Variants in HAUS8 observed in about 807,000 individuals in gnomAD.
HAUS8 encodes the protein HAUS augmin-like complex subunit 8.
Under a neutral mutation model 42.9 loss-of-function variants are expected in HAUS8, and 38 were observed. That is an observed-to-expected ratio of 0.89 (90% CI 0.68 to 1.16). The LOEUF (loss-of-function observed/expected upper bound fraction) is 1.16. Ranked by LOEUF, HAUS8 falls within the 50% of genes most tolerant of loss-of-function variation. HAUS8 has a pLI of 0.00. For missense variants in HAUS8, 494 were observed against 511.6 expected, an observed-to-expected ratio of 0.97 and a Z score of 0.33; for synonymous variants, 199 against 205.8, an observed-to-expected ratio of 0.97 and a Z score of 0.28.
chr19:17,062,925 T>A (rs1018704117), intron 3 of HAUS8, 146 bp from the exon 4 acceptor site: 9 of 611,232 alleles, frequency 1.5e-5, no homozygotes, highest in Non-Finnish European at 2.6e-5. Flanking sequence ...TTACCTCATA[T>A]ACACAGGACA....
chr19:17,060,769 T>A (rs183615865), intron 4 of HAUS8, among the ~76,000 whole-genome samples: 1 of 152,320 alleles, frequency 6.6e-6, no homozygotes, highest in East Asian at 1.9e-4. Flanking sequence ...GGGAGTTCCC[T>A]TCATCTTTTA....
chr19:17,056,649 G>A (rs562911975), intron 8 of HAUS8, among the ~76,000 whole-genome samples: 4 of 152,128 alleles, frequency 2.6e-5, no homozygotes, highest in South Asian at 2.1e-4. Flanking sequence ...GGAGTGCAGC[G>A]GCGCAGTCTC....
chr19:17,070,073 C>A (rs147037305), intron 2 of HAUS8, among the ~76,000 whole-genome samples: 503 of 152,194 alleles, frequency 3.3e-3, no homozygotes, highest in African/African-American at 0.012. Flanking sequence ...ATTCTTCCTC[C>A]TACCTGCACT....
At chr19:17,072,275 T>C (rs1320205810) in intron 2 of HAUS8, among the ~76,000 whole-genome samples, 1 of 151,890 alleles carries the variant, frequency 6.6e-6, no homozygotes, top group African/African-American at 2.4e-5. Flanking sequence ...AAATACCTCA[T>C]TGTATCATAG....
intron 3 of HAUS8, among the ~76,000 whole-genome samples, chr19:17,064,469 C>G (rs1252306712): frequency 6.6e-6 from 1 of 152,160 alleles, no homozygotes; most frequent in Non-Finnish European, 1.5e-5. Context: ...GTTCTCAGGA[C>G]TTAGTGCAAA....
intron 8 of HAUS8, 103 bp from the exon 9 acceptor site, chr19:17,056,105 T>C: frequency 4.6e-6 from 5 of 1,080,922 alleles, no homozygotes; most frequent in African/African-American, 1.5e-5. Flanking sequence ...GCGCTGTTCT[T>C]CACCACCCCC....
At chr19:17,052,152 G>GA (rs1337182156) in intron 10 of HAUS8, 1 of 137,856 alleles carries the variant, frequency 7.3e-6, no homozygotes, top group Non-Finnish European at 1.6e-5. Flanking sequence ...TAAATAAATA[G>GA]AAACAAGGTC....
chr19:17,056,758 T>G (rs1304332400), intron 8 of HAUS8, among the ~76,000 whole-genome samples: 1 of 151,928 alleles, frequency 6.6e-6, no homozygotes, highest in African/African-American at 2.4e-5. Flanking sequence ...CCCAGCTAAT[T>G]TTTTGTATTT....
rs758090440 is a variant in HAUS8 at position 17,069,061 on chromosome 19, A to T, written c.117T>A (p.Tyr39Ter). The T allele has an allele frequency of 6.2e-7, 1 of 1,613,582 alleles. No homozygotes were observed. Among genetic ancestry groups the T allele is most frequent in the Non-Finnish European group, 8.5e-7 (1 of 1,179,788 alleles). ...GGGTTGTCTTCTTTTCATACTGCAG[A>T]TACCGGGACTCAATCACTCTTCCAC... Reference protein sequence around the residue: ...VQGGRVIESRYLQYEKKTTQK... With the variant: ...VQGGRVIESR The change falls in exon 3 of 11, where the codon TAT (tyrosine) becomes TAA (stop). Residue 39 changes from tyrosine to a stop codon, truncating the protein, a stop_gained. Coordinates refer to ENST00000253669, the MANE Select transcript of HAUS8 (RefSeq NM_033417.2). LOFTEE classifies it high-confidence loss of function.
In HAUS8 at chr19:17,050,089, G is replaced by A. The variant is rs760980501; in HGVS notation, c.1017C>T (p.Gly339=). ...ANQEVWEETQ[G]MAPPSRWYFN... is the part of the protein sequence containing the mutation. ...AATACCACCGGCTGGGGGGCGCCAT[G>A]CCCTGGGTCTCTTCCCAGACTTCCT... Residue 339 remains glycine, a synonymous_variant, in exon 11 of 11, where the codon GGC becomes GGT. Coordinates refer to ENST00000253669, the MANE Select transcript of HAUS8 (RefSeq NM_033417.2). The A allele has an allele frequency of 9.4e-6, 15 of 1,601,770 alleles. No individual in the cohort carries two copies. The East Asian group carries it at 3.2e-4, about 34-fold the overall frequency.
At chr19:17,065,384 T>G (rs766698935) in intron 3 of HAUS8, among the ~76,000 whole-genome samples, 1 of 152,222 alleles carries the variant, frequency 6.6e-6, no homozygotes, top group Non-Finnish European at 1.5e-5. Context: ...GAGAGGGTCC[T>G]GCCTCATACC....
At chr19:17,074,535 C>A (rs1332866796) in intron 1 of HAUS8, 1 of 152,340 alleles carries the variant, frequency 6.6e-6, no homozygotes, top group Non-Finnish European at 1.5e-5. Flanking sequence ...ACCCCCGGGG[C>A]AGTCTCACAG....
In HAUS8 at chr19:17,061,569, A is replaced by G. The variant is rs140543824; in HGVS notation, c.229+1129T>C. Among the ~76,000 whole-genome samples, 10 of 152,352 alleles carry G rather than the reference A, an allele frequency of 6.6e-5. No homozygotes were observed. The East Asian group carries it at 1.9e-3, about 29-fold the overall frequency. On this transcript the variant is annotated intron_variant, in intron 4 of 10. Coordinates refer to ENST00000253669, the MANE Select transcript of HAUS8 (RefSeq NM_033417.2). ...GAACTCAAACAAGCAGTCCTTTGAA[A>G]TCATTATGGTGTGGTTTAAATTAAG...
intron 4 of HAUS8, among the ~76,000 whole-genome samples, chr19:17,062,066 T>C (rs138572361): frequency 3.2e-3 from 494 of 152,354 alleles, no homozygotes; most frequent in Non-Finnish European, 5.4e-3. Context: ...GCTATACCTG[T>C]TCCTCTATGT....
At chr19:17,054,089 G>A (rs896199532) in intron 9 of HAUS8, among the ~76,000 whole-genome samples, 1 of 152,114 alleles carries the variant, frequency 6.6e-6, no homozygotes, top group African/African-American at 2.4e-5. Context: ...GCAGGTGGGG[G>A]AGACACAGGA....
intron 2 of HAUS8, among the ~76,000 whole-genome samples, chr19:17,072,792 G>A (rs1158150154): frequency 6.6e-6 from 1 of 152,012 alleles, no homozygotes; most frequent in East Asian, 1.9e-4. Context: ...CCCCTCATGA[G>A]ACTGACACGC....
intron 10 of HAUS8, chr19:17,052,187 T>TG (rs1208984611): frequency 1.3e-5 from 2 of 151,854 alleles, no homozygotes; most frequent in East Asian, 2.0e-4. Flanking sequence ...AGGCTGGTCT[T>TG]GAACTCTTGG....
At position 17,065,470 on chromosome 19, in the gene HAUS8, T is replaced by C. The variant is rs368655016; in HGVS notation, c.148-2691A>G. Among the ~76,000 whole-genome samples the C allele has an allele frequency of 7.2e-5, 11 of 152,302 alleles. No individual in the cohort carries two copies. In the East Asian group the frequency reaches 1.2e-3, roughly 16 times the overall value. ...TTGCTGGGTTTAAAGCATGCCCTTT[T>C]TGACCAATCACATTTCCACAGGGCT... On this transcript the variant is annotated intron_variant, in intron 3 of 10. Transcript: ENST00000253669.
chr19:17,049,920 C>A lies in HAUS8; in HGVS notation c.1186G>T (p.Ala396Ser). The change falls in exon 11 of 11, where the codon GCA becomes TCA. Residue 396 changes from alanine to serine, a missense_variant. By Grantham distance (99) the Ala-to-Ser change is moderately conservative. Coordinates refer to ENST00000253669, the MANE Select transcript of HAUS8 (RefSeq NM_033417.2). ...PSEDFSSSSQ[A>S]EVPPSLSRSG... ...CGAGAGAGAGAGGGCGGGACTTCTG[C>A]CTGGCTGCTTGAAGAAAAATCTTCG... is the stretch of plus-strand genomic sequence containing the variant. 1 of 1,535,806 alleles carries A rather than the reference C, an allele frequency of 6.5e-7. No homozygotes were observed.
Sources: gnomAD v4.1 joint callset for allele counts (sites outside exome capture counted in the v4.1 genomes callset) on GRCh38, gnomAD v4.1.1 for gene constraint, MANE v1.5 for transcripts, NCBI Gene and HGNC (gene_info 2026-07-23, HGNC 2026-07-21) for gene names.